Variants in CDON observed in about 807,000 individuals in gnomAD.
CDON encodes cell adhesion molecule-related/down-regulated by oncogenes.
CDON carries 73 observed loss-of-function variants against 120.9 expected under a neutral mutation model. That is an observed-to-expected ratio of 0.60 (90% CI 0.50 to 0.73). The LOEUF (loss-of-function observed/expected upper bound fraction) is 0.73, where lower values mean the gene tolerates loss of function less well. Ranked by LOEUF, CDON falls within the 30% of genes least tolerant of loss-of-function variation. The pLI, the probability that CDON is intolerant of heterozygous loss-of-function variation, is 0.00. For synonymous variants in CDON, 566 were observed against 573.5 expected (o/e 0.99, Z 0.19); for missense variants, 1,470 against 1,587.3 (o/e 0.93, Z 1.26).
At chr11:125,985,189 T>G (rs528987757) in intron 15 of CDON, among the ~76,000 whole-genome samples, 23 of 152,186 alleles carry the variant, frequency 1.5e-4, no homozygotes, top group African/African-American at 5.1e-4. Context: ...ATTTTTTATT[T>G]TTTGAGACAA....
At chr11:126,001,264 TACA>T (rs1321838261) in intron 11 of CDON, among the ~76,000 whole-genome samples, 1 of 151,246 alleles carries the variant, frequency 6.6e-6, no homozygotes, top group Non-Finnish European at 1.5e-5. Context: ...CTCAGCTCAC[TACA>T]ACATCTTCCT....
At chr11:126,056,137 C>T (rs192468552) in intron 1 of CDON, among the ~76,000 whole-genome samples, 1 of 152,316 alleles carries the variant, frequency 6.6e-6, no homozygotes, top group East Asian at 1.9e-4. Context: ...CCCACAGCAG[C>T]CTTTGCAAAT....
At chr11:126,023,609 G>A (rs560693113) in intron 1 of CDON, 72 bp from the exon 2 acceptor site, 7 of 729,748 alleles carry the variant, frequency 9.6e-6, no homozygotes, top group South Asian at 7.3e-5. Context: ...CTGTGAGCAT[G>A]ACGGCTGCCA....
intron 1 of CDON, among the ~76,000 whole-genome samples, chr11:126,036,106 T>C (rs980329162): frequency 6.6e-6 from 1 of 152,240 alleles, no homozygotes; most frequent in South Asian, 2.1e-4. Flanking sequence ...CAGCCGCAGA[T>C]AGACCCAACC....
chr11:125,965,476 G>A (rs771320012), intron 18 of CDON, among the ~76,000 whole-genome samples: 1 of 152,284 alleles, frequency 6.6e-6, no homozygotes, highest in East Asian at 1.9e-4. Flanking sequence ...TTCAGTGCAG[G>A]AGGAAACAAG....
chr11:125,966,557 C>A (rs79224495), intron 18 of CDON, among the ~76,000 whole-genome samples: 1 of 152,176 alleles, frequency 6.6e-6, no homozygotes, highest in African/African-American at 2.4e-5. Context: ...AGAAGCCGCA[C>A]TGGAGACACA....
At chr11:126,049,583 T>C (rs1318038964) in intron 1 of CDON, among the ~76,000 whole-genome samples, 2 of 152,008 alleles carry the variant, frequency 1.3e-5, no homozygotes, top group Non-Finnish European at 2.9e-5. Context: ...TAATAATTAT[T>C]TTAATCTACA....
chr11:125,982,096 G>A (rs1946329945), intron 16 of CDON, among the ~76,000 whole-genome samples: 1 of 136,598 alleles, frequency 7.3e-6, no homozygotes, highest in Non-Finnish European at 1.5e-5. Context: ...CAATTCTCCT[G>A]CTTCAACCTC....
chr11:125,981,503 C>T (rs1190239572), intron 16 of CDON, among the ~76,000 whole-genome samples, 174 bp from the exon 17 acceptor site: 2 of 152,092 alleles, frequency 1.3e-5, no homozygotes, highest in East Asian at 3.9e-4. Context: ...AAAACCCCTA[C>T]GAAACTACAA....
intron 7 of CDON, 89 bp from the exon 8 acceptor site, chr11:126,010,783 G>T: frequency 9.3e-7 from 1 of 1,072,042 alleles, no homozygotes; most frequent in Non-Finnish European, 1.4e-6. Flanking sequence ...GTAAATGTGG[G>T]AGTAATGATT....
At chr11:126,042,013 T>C (rs1591422324) in intron 1 of CDON, among the ~76,000 whole-genome samples, 1 of 152,274 alleles carries the variant, frequency 6.6e-6, no homozygotes. Flanking sequence ...GCCTCCTGAG[T>C]AGCTGGAATT....
At chr11:125,982,161 A>G (rs1306725081) in intron 16 of CDON, among the ~76,000 whole-genome samples, 1 of 150,774 alleles carries the variant, frequency 6.6e-6, no homozygotes, top group African/African-American at 2.4e-5. Context: ...TTTTTAGTAG[A>G]GACAGGGTTT....
At chr11:126,011,514 C>T (rs574639771) in intron 7 of CDON, among the ~76,000 whole-genome samples, 7 of 152,180 alleles carry the variant, frequency 4.6e-5, no homozygotes, top group African/African-American at 7.2e-5. Flanking sequence ...TGTGATTATG[C>T]GACATTATTA....
chr11:126,031,630 T>G (rs1369224815), intron 1 of CDON, among the ~76,000 whole-genome samples: 1 of 152,216 alleles, frequency 6.6e-6, no homozygotes, highest in African/African-American at 2.4e-5. Context: ...TTCCACTAAT[T>G]AGTGAGATTC....
At chr11:126,039,047 T>G (rs1377758435) in intron 1 of CDON, among the ~76,000 whole-genome samples, 4 of 152,208 alleles carry the variant, frequency 2.6e-5, no homozygotes, top group Non-Finnish European at 5.9e-5. Flanking sequence ...ACAATGAATG[T>G]GCCCCTAAAA....
At chr11:125,987,436 T>C (rs1446052219) in intron 15 of CDON, among the ~76,000 whole-genome samples, 1 of 152,186 alleles carries the variant, frequency 6.6e-6, no homozygotes, top group Non-Finnish European at 1.5e-5. Context: ...GAACCTACAG[T>C]CATTTTTTAA....
chr11:125,958,428 T>C lies in CDON; in HGVS notation c.*2514A>G, dbSNP rs1314836812. The stretch of plus-strand genomic sequence containing the variant: ...CACGTGTTAGTGCTGTCTCCCACAC[T>C]GTACCATGTCCTCTCATTTCCTGGT... On this transcript the variant is annotated 3_prime_UTR_variant, in exon 20 of 20. Coordinates refer to ENST00000531738, the MANE Select transcript of CDON (RefSeq NM_001378964.1). 1 of 152,122 alleles carries C rather than the reference T, an allele frequency of 6.6e-6. No individual in the cohort carries two copies. Among genetic ancestry groups the C allele is most frequent in the Non-Finnish European group, 1.5e-5 (1 of 68,038 alleles). The allele number at this position is 152,122 out of a possible 1,614,324, so 9.4% of individuals were successfully genotyped here. A position where few individuals can be genotyped will look rare whatever the true frequency, so the allele number is the denominator to read the frequency against.
chr11:125,990,546 A>G (rs144690515), intron 14 of CDON, among the ~76,000 whole-genome samples: 1 of 152,332 alleles, frequency 6.6e-6, no homozygotes, highest in Non-Finnish European at 1.5e-5. Flanking sequence ...AGATTAAATT[A>G]ACTCTTCAAG....
chr11:126,005,529 G>A lies in CDON; in HGVS notation c.1851+230C>T, dbSNP rs796246899. On this transcript the variant is annotated intron_variant, in intron 9 of 19. Transcript: ENST00000531738. ...TAAAACATTTGAATACACATGTAAA[G>A]ACATCATTGGGTTCCTAGAATTCCA... is the stretch of plus-strand genomic sequence containing the variant. 23 of 575,660 alleles carry A rather than the reference G, an allele frequency of 4.0e-5. No homozygotes were observed. In the Admixed American group the frequency reaches 4.1e-4, roughly 10 times the overall value. The allele number at this position is 575,660 out of a possible 1,614,324, so 35.7% of individuals were successfully genotyped here. A position where few individuals can be genotyped will look rare whatever the true frequency, so the allele number is the denominator to read the frequency against.
Sources: allele counts gnomAD v4.1 joint callset (sites outside exome capture counted in the v4.1 genomes callset), GRCh38; gene constraint gnomAD v4.1.1; transcripts MANE v1.5; gene names NCBI Gene and HGNC (gene_info 2026-07-23, HGNC 2026-07-21).